The following HMGXB4 variants were observed in gnomAD, a reference collection of about 807,000 sequenced individuals.
HMGXB4 encodes HMG domain-containing protein 4.
In HMGXB4, 27 loss-of-function variants were observed where a neutral mutation model predicts 63.9. The observed-to-expected ratio is 0.42, with a 90% CI of 0.31 to 0.58. The LOEUF (loss-of-function observed/expected upper bound fraction) is 0.58. Ranked by LOEUF, HMGXB4 falls within the 20% of genes least tolerant of loss-of-function variation. HMGXB4 has a pLI of 0.13. For synonymous variants in HMGXB4, 264 were observed against 265.3 expected, an observed-to-expected ratio of 0.99 and a Z score of 0.05; for missense variants, 624 against 700.7, an observed-to-expected ratio of 0.89 and a Z score of 1.24.
At chr22:35,247,716 C>T in the HMGXB4 span, among the ~76,000 whole-genome samples, 1 of 151,982 alleles carries the variant, frequency 6.6e-6, no homozygotes, top group Non-Finnish European at 1.5e-5. Flanking sequence ...GTCTGAAAAC[C>T]ATTTTAGACT....
intron 5 of HMGXB4, among the ~76,000 whole-genome samples, chr22:35,279,048 A>G (rs552418845): frequency 8.6e-5 from 13 of 151,664 alleles, no homozygotes; most frequent in African/African-American, 2.4e-4. Context: ...TCTTGTCTTA[A>G]AAGAAAAGAG....
In HMGXB4 at chr22:35,294,988, T is replaced by C. The variant is rs1601648759; in HGVS notation, c.*1337T>C. The C allele has an allele frequency of 6.6e-6, 1 of 152,202 alleles. No individual in the cohort carries two copies. The highest frequency in any genetic ancestry group is 2.4e-5 in the African/African-American group (1 of 41,456). 9.4% of individuals were successfully genotyped at this position (152,202 alleles called of 1,614,324 possible). ...GTCTAGAAAGTAAAATAAAGAGGAATGTTACCATCCCCAGCTGCCCTTATT... is the reference window on the plus strand; with the variant it reads ...GTCTAGAAAGTAAAATAAAGAGGAACGTTACCATCCCCAGCTGCCCTTATT... On this transcript the variant is annotated 3_prime_UTR_variant, in exon 11 of 11. Coordinates refer to ENST00000216106, the MANE Select transcript of HMGXB4 (RefSeq NM_001003681.3).
the HMGXB4 span, among the ~76,000 whole-genome samples, chr22:35,241,705 G>C: frequency 2.6e-5 from 4 of 152,198 alleles, no homozygotes; most frequent in African/African-American, 9.6e-5. Flanking sequence ...CTTCTCCACT[G>C]GGGGCGTGTG....
chr22:35,277,663 C>A (rs1342387679), intron 5 of HMGXB4, among the ~76,000 whole-genome samples: 2 of 152,136 alleles, frequency 1.3e-5, no homozygotes, highest in Non-Finnish European at 2.9e-5. Flanking sequence ...GGTTTCTATT[C>A]ATGTGAAATT....
chr22:35,269,935 G>A (rs1388347352), intron 5 of HMGXB4, among the ~76,000 whole-genome samples: 1 of 151,996 alleles, frequency 6.6e-6, no homozygotes, highest in African/African-American at 2.4e-5. Context: ...TTGTGATTGT[G>A]CCACTGCACT....
chr22:35,263,913 C>A (rs768926181), intron 4 of HMGXB4, 39 bp downstream of exon 4: 4 of 1,600,034 alleles, frequency 2.5e-6, no homozygotes, highest in South Asian at 2.2e-5. Flanking sequence ...ATAAACACAT[C>A]GCTGGTTCTT....
intron 5 of HMGXB4, among the ~76,000 whole-genome samples, chr22:35,280,431 G>T (rs1295019354): frequency 6.6e-6 from 1 of 152,152 alleles, no homozygotes; most frequent in Non-Finnish European, 1.5e-5. Flanking sequence ...AAGCCATTTT[G>T]CCACACTATC....
chr22:35,272,163 A>G (rs1421538102), intron 5 of HMGXB4, among the ~76,000 whole-genome samples: 1 of 152,194 alleles, frequency 6.6e-6, no homozygotes. Context: ...AAGAGAAGGA[A>G]GAGGGGGCGG....
chr22:35,260,275 G>T (rs537218835), intron 1 of HMGXB4, among the ~76,000 whole-genome samples: 31 of 152,284 alleles, frequency 2.0e-4, no homozygotes, highest in African/African-American at 7.2e-4. Context: ...TGTTTAATTT[G>T]AGGTCTCCAT....
chr22:35,264,711 C>G lies in HMGXB4; in HGVS notation c.323C>G (p.Thr108Arg). The change falls in exon 5 of 11, where the codon ACA (threonine) becomes AGA (arginine). Residue 108 changes from threonine to arginine, a missense_variant. Around this residue, in one of 2 missense-constraint regions of HMGXB4, gnomAD observed 472 missense variants for 470.6 expected, o/e 1.00. Coordinates refer to ENST00000216106, the MANE Select transcript of HMGXB4 (RefSeq NM_001003681.3). ...AAGTCCAGCCCACAGTCTACTGATACAGCTATGGACCTGTTGAAAGCTATC... is the reference window on the plus strand; with the variant it reads ...AAGTCCAGCCCACAGTCTACTGATAGAGCTATGGACCTGTTGAAAGCTATC... Reference protein sequence around the residue: ...KKKSSPQSTDTAMDLLKAITS... With the variant: ...KKKSSPQSTDRAMDLLKAITS... The G allele has an allele frequency of 6.2e-7, 1 of 1,610,074 alleles. No homozygotes were observed. The highest frequency in any genetic ancestry group is 1.7e-4 in the Middle Eastern group (1 of 6,024).
chr22:35,292,581 A>G (rs948724083), intron 9 of HMGXB4, among the ~76,000 whole-genome samples: 3 of 152,262 alleles, frequency 2.0e-5, no homozygotes, highest in Non-Finnish European at 4.4e-5. Context: ...AGCTACATAC[A>G]TGCAGGGTTG....
upstream of HMGXB4, among the ~76,000 whole-genome samples, chr22:35,253,174 T>C (rs1238419352): frequency 6.8e-6 from 1 of 147,040 alleles, no homozygotes; most frequent in African/African-American, 2.6e-5. Context: ...AGCTGAAGTA[T>C]AAGCTCATGT....
chr22:35,292,214 C>T (rs1239550853), intron 9 of HMGXB4, among the ~76,000 whole-genome samples: 1 of 152,140 alleles, frequency 6.6e-6, no homozygotes, highest in Non-Finnish European at 1.5e-5. Flanking sequence ...TATATTATAT[C>T]TATTATCTCA....
chr22:35,284,957 A>T (rs1036971449), intron 6 of HMGXB4, among the ~76,000 whole-genome samples: 7 of 152,248 alleles, frequency 4.6e-5, no homozygotes, highest in African/African-American at 1.4e-4. Flanking sequence ...GAAGGGTAAG[A>T]TTACACATCT....
intron 9 of HMGXB4, among the ~76,000 whole-genome samples, chr22:35,292,182 A>G (rs1192261298): frequency 1.3e-5 from 2 of 152,222 alleles, no homozygotes; most frequent in Non-Finnish European, 2.9e-5. Flanking sequence ...GTACTTAACC[A>G]TGTATTAAGC....
In HMGXB4 at chr22:35,284,041, T is replaced by C. The variant is rs764917505; in HGVS notation, c.1295T>C (p.Ile432Thr). The part of the protein sequence containing the change: ...RVTIVADHPG[I>T]DFGELSKKLA... Reference sequence around the variant, plus strand: ...ACCATTGTGGCTGACCATCCAGGTATAGGTAAGAACATTACTGATCTGTAG... The same window carrying C: ...ACCATTGTGGCTGACCATCCAGGTACAGGTAAGAACATTACTGATCTGTAG... The change falls in exon 6 of 11, where the codon ATA becomes ACA. Residue 432 changes from isoleucine to threonine, a missense_variant and splice_region_variant. By Grantham distance (89) the Ile-to-Thr change is moderately conservative. Transcript: ENST00000216106. The C allele has an allele frequency of 6.2e-7, 1 of 1,609,444 alleles. No individual in the cohort carries two copies. Among genetic ancestry groups the C allele is most frequent in the Non-Finnish European group, 8.5e-7 (1 of 1,175,590 alleles).
At chr22:35,250,832 T>C in the HMGXB4 span, among the ~76,000 whole-genome samples, 1 of 152,134 alleles carries the variant, frequency 6.6e-6, no homozygotes, top group Non-Finnish European at 1.5e-5. Context: ...TCACAGTCTC[T>C]ACCCACATGG....
chr22:35,288,157 G>A, intron 8 of HMGXB4, 81 bp from the exon 9 acceptor site: 1 of 1,217,560 alleles, frequency 8.2e-7, no homozygotes, highest in Non-Finnish European at 1.1e-6. Context: ...TTCATAAAAA[G>A]GGAAAATCAG....
At chr22:35,261,298 C>G (rs1425169774) in intron 1 of HMGXB4, among the ~76,000 whole-genome samples, 2 of 151,770 alleles carry the variant, frequency 1.3e-5, no homozygotes. Context: ...TAGCCAGGCT[C>G]GGTGGCAGGC....
Sources: allele counts gnomAD v4.1 joint callset (sites outside exome capture counted in the v4.1 genomes callset), GRCh38; gene constraint gnomAD v4.1.1; regional missense constraint gnomAD v4.1.1; transcripts MANE v1.5; gene names NCBI Gene and HGNC (gene_info 2026-07-23, HGNC 2026-07-21).